The following PRRC2B variants were observed in gnomAD, a reference collection of about 807,000 sequenced individuals.
PRRC2B encodes proline rich coiled-coil 2B.
In PRRC2B, 68 loss-of-function variants were observed where a neutral mutation model predicts 242.3. The observed-to-expected ratio is 0.28, with a 90% CI of 0.23 to 0.34. The LOEUF is 0.34. Among genes scored for constraint, PRRC2B ranks in the 10% least tolerant of loss-of-function variants. The probability of loss-of-function intolerance (pLI) is 1.00; values close to 1 mark genes in which losing one functional copy is unlikely to be tolerated. For synonymous variants in PRRC2B, 1,228 were observed against 1,173.6 expected, an observed-to-expected ratio of 1.05 and a Z score of -0.95; for missense variants, 2,835 against 2,954.8, an observed-to-expected ratio of 0.96 and a Z score of 0.94.
chr9:131,490,208 C>T (rs907610302), intron 28 of PRRC2B, among the ~76,000 whole-genome samples: 1 of 151,734 alleles, frequency 6.6e-6, no homozygotes. Flanking sequence ...TCCACATCCT[C>T]CTTGGCTCCC....
In PRRC2B at chr9:131,498,388, T is replaced by TG. The variant is rs965368426; in HGVS notation, c.*2515dup. The TG allele has an allele frequency of 2.0e-5, 3 of 152,334 alleles. No individual in the cohort carries two copies. The highest frequency in any genetic ancestry group is 7.2e-5 in the African/African-American group (3 of 41,586). The allele number at this position is 152,334 out of a possible 1,614,324, so 9.4% of individuals were successfully genotyped here. A position where few individuals can be genotyped will look rare whatever the true frequency, so the allele number is the denominator to read the frequency against. ...GTTCGGTGCAGTCACCACCTGTGTGTGACCTGAGCTGCAGTCTCTTCGCTG... is the reference window on the plus strand; with the variant it reads ...GTTCGGTGCAGTCACCACCTGTGTGTGGACCTGAGCTGCAGTCTCTTCGCTG... On this transcript the variant is annotated 3_prime_UTR_variant, in exon 32 of 32. Coordinates refer to ENST00000683519, the MANE Select transcript of PRRC2B (RefSeq NM_013318.4).
intron 1 of PRRC2B, among the ~76,000 whole-genome samples, chr9:131,407,129 A>G (rs1472835730): frequency 1.3e-5 from 2 of 152,172 alleles, no homozygotes; most frequent in African/African-American, 2.4e-5. Flanking sequence ...ATGAATCATA[A>G]TGTTGTATTG....
intron 9 of PRRC2B, among the ~76,000 whole-genome samples, chr9:131,450,067 G>A (rs1040831928): frequency 3.3e-5 from 5 of 152,142 alleles, no homozygotes; most frequent in African/African-American, 2.4e-5. Context: ...CATTGATCTA[G>A]TTGTTCCTCA....
At chr9:131,492,084 C>A in intron 29 of PRRC2B, 85 bp from the exon 30 acceptor site, 1 of 1,077,236 alleles carries the variant, frequency 9.3e-7, no homozygotes, top group Non-Finnish European at 1.4e-6. Context: ...CCCTCACCAC[C>A]TCTGCCCTGG....
Position 131,499,744 on chromosome 9 carries a change from C to G in PRRC2B, c.*3870C>G, listed in dbSNP as rs1564307273. ...CCCCATCTTCAGCATGTTCTGAAGC[C>G]TCAGAGTGGAAATTCCTGCTAAGGC... On this transcript the variant is annotated 3_prime_UTR_variant, in exon 32 of 32. Coordinates refer to ENST00000683519, the MANE Select transcript of PRRC2B (RefSeq NM_013318.4). 2 of 152,192 alleles carry G rather than the reference C, an allele frequency of 1.3e-5. No individual in the cohort carries two copies. Among genetic ancestry groups the G allele is most frequent in the South Asian group, 4.1e-4 (2 of 4,824 alleles). The allele number at this position is 152,192 out of a possible 1,614,324, so 9.4% of individuals were successfully genotyped here. A position where few individuals can be genotyped will look rare whatever the true frequency, so the allele number is the denominator to read the frequency against.
intron 28 of PRRC2B, 68 bp downstream of exon 28, chr9:131,488,164 C>T (rs1349187864): frequency 6.5e-7 from 1 of 1,528,328 alleles, no homozygotes; most frequent in Non-Finnish European, 8.8e-7. Context: ...CTTTTCTTTT[C>T]ACCCGCCTCT....
At chr9:131,478,642 G>GGGGGGGGGCC in intron 18 of PRRC2B, 23 bp downstream of exon 18, 1 of 482,038 alleles carries the variant, frequency 2.1e-6, no homozygotes, top group African/African-American at 2.1e-5. Context: ...GGGTGGGGGG[G>GGGGGGGGGCC]CATGGGGCTG....
rs56400904 is a variant in PRRC2B, at chr9:131,376,046, C to CAA, written c.-56+2334_-56+2335dup. On this transcript the variant is annotated intron_variant, in intron 1 of 1. Coordinates refer to the PRRC2B transcript ENST00000682525. ...CCTGAGCAACAGAGTGAGACTGTCT[C>CAA]AAAAAAAAAAAAAAAAAAAAGGCCG... Among the ~76,000 whole-genome samples, 259 of 72,930 alleles carry CAA rather than the reference C, an allele frequency of 3.6e-3. 1 individual carries two copies. The highest frequency in any genetic ancestry group is 0.014 in the African/African-American group (245 of 17,556). The allele number at this position is 72,930 out of a possible 152,430, so 47.8% of individuals were successfully genotyped here. A position where few individuals can be genotyped will look rare whatever the true frequency, so the allele number is the denominator to read the frequency against.
intron 13 of PRRC2B, 49 bp downstream of exon 13, chr9:131,467,802 G>C (rs751281447): frequency 2.5e-6 from 4 of 1,581,196 alleles, no homozygotes; most frequent in Non-Finnish European, 2.6e-6. Context: ...CCTGAGTGCC[G>C]AGCAGATGTT....
rs1184692862 is a variant in PRRC2B at position 131,498,099 on chromosome 9, G to C, written c.*2225G>C. The C allele has an allele frequency of 6.6e-6, 1 of 152,078 alleles. No homozygotes were observed. Among genetic ancestry groups the C allele is most frequent in the Non-Finnish European group, 1.5e-5 (1 of 68,038 alleles). 9.4% of individuals were successfully genotyped at this position (152,078 alleles called of 1,614,324 possible). A position where few individuals can be genotyped will look rare whatever the true frequency, so the allele number is the denominator to read the frequency against. On this transcript the variant is annotated 3_prime_UTR_variant, in exon 32 of 32. Transcript: ENST00000683519. ...TAAGATGTACCCTTCAGGTGAACCT[G>C]GTATCAGACCCACAGTACTTGCTGT...
At chr9:131,409,368 C>T (rs546169070) in intron 1 of PRRC2B, among the ~76,000 whole-genome samples, 90 of 151,756 alleles carry the variant, frequency 5.9e-4, no homozygotes, top group African/African-American at 2.1e-3. Flanking sequence ...TTAGTAGAGA[C>T]GGGATTTCAC....
At chr9:131,484,508 G>A (rs1306552048) in intron 23 of PRRC2B, among the ~76,000 whole-genome samples, 178 bp from the exon 24 acceptor site, 1 of 152,194 alleles carries the variant, frequency 6.6e-6, no homozygotes, top group Non-Finnish European at 1.5e-5. Context: ...AGATGCATTT[G>A]GACAATTCAT....
At chr9:131,405,422 TCA>T (rs1837335233) in intron 1 of PRRC2B, among the ~76,000 whole-genome samples, 1 of 152,216 alleles carries the variant, frequency 6.6e-6, no homozygotes, top group South Asian at 2.1e-4. Flanking sequence ...GCCCCGTCTT[TCA>T]CAGTCCTTGG....
At chr9:131,479,499 T>C in intron 19 of PRRC2B, 106 bp downstream of exon 19, 2 of 1,066,940 alleles carry the variant, frequency 1.9e-6, no homozygotes, top group Non-Finnish European at 2.7e-6. Flanking sequence ...ATAGATGGAA[T>C]ACAGATGGAG....
intron 5 of PRRC2B, 133 bp downstream of exon 5, chr9:131,439,194 G>A: frequency 1.4e-6 from 1 of 730,368 alleles, no homozygotes; most frequent in Non-Finnish European, 2.4e-6. Context: ...TACCGTCTAT[G>A]GAGCCCTTGC....
rs368603123 is a variant in PRRC2B, at chr9:131,473,674, G to C, written c.2274G>C (p.Pro758=). The C allele has an allele frequency of 6.2e-7, 1 of 1,613,742 alleles. No homozygotes were observed. Among genetic ancestry groups the C allele is most frequent in the Non-Finnish European group, 8.5e-7 (1 of 1,179,844 alleles). ...TGGCACTGCAGAGCAAGGGCTACCC[G>C]CTCCCGCACCCGAAGTCGAGTGACA... is the stretch of plus-strand genomic sequence containing the variant. ...GYMALQSKGY[P]LPHPKSSDTL... is the part of the protein sequence containing the mutation. Residue 758 remains proline, a synonymous_variant, in exon 15 of 32, where the codon CCG becomes CCC. Transcript: ENST00000683519.
intron 1 of PRRC2B, among the ~76,000 whole-genome samples, 160 bp downstream of exon 1, chr9:131,394,423 T>A (rs2131273234): frequency 6.9e-6 from 1 of 145,504 alleles, no homozygotes; most frequent in Non-Finnish European, 1.5e-5. Flanking sequence ...CGCCGCCGCC[T>A]CCTTCCCGCC....
chr9:131,461,938 G>A (rs1298434960), intron 11 of PRRC2B, among the ~76,000 whole-genome samples: 1 of 152,214 alleles, frequency 6.6e-6, no homozygotes, highest in Non-Finnish European at 1.5e-5. Context: ...ATACATATGT[G>A]CTGGGTACAA....
upstream of PRRC2B, among the ~76,000 whole-genome samples, chr9:131,391,566 G>T (rs907986894): frequency 6.6e-6 from 1 of 152,096 alleles, no homozygotes; most frequent in Admixed American, 6.6e-5. Flanking sequence ...TCTTTGGTGG[G>T]GGGCATTGTA....
Sources: gnomAD v4.1 joint callset for allele counts (sites outside exome capture counted in the v4.1 genomes callset) on GRCh38, gnomAD v4.1.1 for gene constraint, MANE v1.5 for transcripts, NCBI Gene and HGNC (gene_info 2026-07-23, HGNC 2026-07-21) for gene names.